Variants in HSPG2 observed in about 807,000 individuals in gnomAD.
HSPG2 encodes basement membrane-specific heparan sulfate proteoglycan core protein.
Under a neutral mutation model 526.6 loss-of-function variants are expected in HSPG2, and 278 were observed. The ratio of observed to expected loss-of-function variants is 0.53; its 90% CI spans 0.48 to 0.58. The LOEUF (loss-of-function observed/expected upper bound fraction) is 0.58. HSPG2 is among the 20% of genes least tolerant of loss of function. The pLI is 0.00. For missense variants in HSPG2, 5,354 were observed against 6,099.5 expected (o/e 0.88, Z 4.07); for synonymous variants, 2,465 against 2,555.4 (o/e 0.96, Z 1.07).
intron 1 of HSPG2, among the ~76,000 whole-genome samples, chr1:21,916,551 G>C (rs1293136934): frequency 6.6e-6 from 1 of 151,706 alleles, no homozygotes; most frequent in African/African-American, 2.4e-5. Flanking sequence ...AAAATTGCCA[G>C]TGTGGTGGTG....
chr1:21,908,730 G>A (rs1411228966), intron 1 of HSPG2: 1 of 502,452 alleles, frequency 2.0e-6, no homozygotes, highest in Non-Finnish European at 3.5e-6. Context: ...AGCTTCCTCT[G>A]GTTTTGATAT....
In HSPG2 at chr1:21,859,710, G is replaced by A. The variant is rs1639643693; in HGVS notation, c.5183-34C>T. The A allele has an allele frequency of 1.3e-6, 2 of 1,587,432 alleles. No homozygotes were observed. The highest frequency in any genetic ancestry group is 1.7e-6 in the Non-Finnish European group (2 of 1,165,204). On this transcript the variant is annotated intron_variant, in intron 41 of 96. Coordinates refer to ENST00000374695, the MANE Select transcript of HSPG2 (RefSeq NM_005529.7). This position sits in a 1 kb window ranked among gnomAD's most constrained non-coding sequence, Gnocchi z 5.3. ...GAGGAGACAAGAGCTTGTTGGTGCAGATACACTCTTTCTCACATCCAGCCC... is the reference window on the plus strand; with the variant it reads ...GAGGAGACAAGAGCTTGTTGGTGCAAATACACTCTTTCTCACATCCAGCCC...
At chr1:21,856,384 A>G (rs1406568276) in intron 44 of HSPG2, among the ~76,000 whole-genome samples, 2 of 152,254 alleles carry the variant, frequency 1.3e-5, no homozygotes, top group African/African-American at 2.4e-5. Flanking sequence ...TGACTGCCCT[A>G]TCTAGAGTAG....
At chr1:21,861,486 T>TAA (rs34107180) in intron 39 of HSPG2, among the ~76,000 whole-genome samples, 3 of 16,204 alleles carry the variant, frequency 1.9e-4, no homozygotes, top group African/African-American at 2.2e-4. Flanking sequence ...TGTCTCAGTT[T>TAA]AAAAAAAAAA....
intron 10 of HSPG2, 25 bp downstream of exon 10, chr1:21,885,295 A>T (rs569080382): frequency 6.2e-7 from 1 of 1,613,724 alleles, no homozygotes; most frequent in South Asian, 1.1e-5. Flanking sequence ...CAGGGCCCGC[A>T]TCTCGACCCC....
At position 21,842,892 on chromosome 1, in the gene HSPG2, C is replaced by G; in HGVS notation, c.8788G>C (p.Glu2930Gln). ...APGLAQPIYI[E>Q]ASSSHVTEGQ... Reference sequence around the variant, plus strand: ...TCAGTCACGTGTGAAGAGGAGGCCTCGATGTAGATGGGCTGGGCCAGTCCT... The same window carrying G: ...TCAGTCACGTGTGAAGAGGAGGCCTGGATGTAGATGGGCTGGGCCAGTCCT... The change falls in exon 67 of 97, where the codon GAG (glutamate) becomes CAG (glutamine). Residue 2930 changes from glutamate (E) to glutamine (Q), a missense_variant. Glu to Gln is a conservative substitution (Grantham distance 29, BLOSUM62 2). Coordinates refer to ENST00000374695, the MANE Select transcript of HSPG2 (RefSeq NM_005529.7). 2 of 1,613,994 alleles carry G rather than the reference C, an allele frequency of 1.2e-6. No individual in the cohort carries two copies. The highest frequency in any genetic ancestry group is 1.7e-6 in the Non-Finnish European group (2 of 1,180,004).
In HSPG2 at chr1:21,855,890, G is replaced by C. The variant is rs768493622; in HGVS notation, c.5598C>G (p.Pro1866=). The C allele has an allele frequency of 1.9e-6, 3 of 1,611,186 alleles. No individual in the cohort carries two copies. The highest frequency in any genetic ancestry group is 1.3e-5 in the African/African-American group (1 of 75,060). ...HVQASGTLSA[P]VVSIHPPQLT... is the part of the protein sequence containing the mutation. ...GCTGTGGCGGATGGATGGAGACCAC[G>C]GGGGCGGACAAGGTGCCCGAGGCTG... Residue 1866 remains proline, a synonymous_variant, in exon 45 of 97, where the codon CCC becomes CCG. Coordinates refer to ENST00000374695, the MANE Select transcript of HSPG2 (RefSeq NM_005529.7).
chr1:21,875,424 C>A (rs1421814450), intron 25 of HSPG2, among the ~76,000 whole-genome samples: 2 of 152,166 alleles, frequency 1.3e-5, no homozygotes, highest in Non-Finnish European at 2.9e-5. Flanking sequence ...ACATGCACCC[C>A]AATCCCCGTC....
intron 50 of HSPG2, 38 bp from the exon 51 acceptor site, chr1:21,853,108 G>A: frequency 2.5e-6 from 4 of 1,612,454 alleles, no homozygotes; most frequent in Non-Finnish European, 3.4e-6. Flanking sequence ...CTGAACTCTT[G>A]GGCTGTAACC....
chr1:21,864,250 C>T lies in HSPG2; in HGVS notation c.4627-37G>A, dbSNP rs1379076523. 1.1e-5 allele frequency: 16 copies of T among 1,504,364 alleles called. No homozygotes were observed. In the East Asian group the frequency reaches 1.2e-4, roughly 12 times the overall value. The allele number at this position is 1,504,364 out of a possible 1,614,324, so 93.2% of individuals were successfully genotyped here. A position where few individuals can be genotyped will look rare whatever the true frequency, so the allele number is the denominator to read the frequency against. On this transcript the variant is annotated intron_variant, in intron 36 of 96. Transcript: ENST00000374695. The surrounding 1 kb of genome is among the most constrained non-coding windows in gnomAD (Gnocchi z 4.8). ...GAGGAAGGTTGGCCTCTGTTCCCAA[C>T]GTGCCCCACCCACAGCCAGCAGACC...
At chr1:21,882,517 G>A (rs887906538) in intron 13 of HSPG2, among the ~76,000 whole-genome samples, 10 of 151,530 alleles carry the variant, frequency 6.6e-5, no homozygotes, top group African/African-American at 2.4e-4. Flanking sequence ...GAGAACTTTC[G>A]GTGGAGTGAA....
intron 1 of HSPG2, among the ~76,000 whole-genome samples, chr1:21,900,188 A>C (rs1643016758): frequency 6.6e-6 from 1 of 152,140 alleles, no homozygotes; most frequent in African/African-American, 2.4e-5. Context: ...TAGGGGTCAG[A>C]CCTCGGCCAG....
At chr1:21,908,536 G>A (rs1240927556) in intron 1 of HSPG2, 3 of 953,696 alleles carry the variant, frequency 3.1e-6, no homozygotes, top group East Asian at 2.4e-5. Context: ...CAATGGGAAG[G>A]AGCCTGAGCT....
chr1:21,854,758 A>G lies in HSPG2; in HGVS notation c.6141T>C (p.Asp2047=), dbSNP rs150129885. Residue 2047 remains aspartate (D), a synonymous_variant, in exon 49 of 97, where the codon GAT becomes GAC. Coordinates refer to ENST00000374695, the MANE Select transcript of HSPG2 (RefSeq NM_005529.7). ...RIQVVVLSAS[D]ASPPPVKIES... Reference sequence around the variant, plus strand: ...CAATCTTGACCGGCGGTGGGCTGGCATCTGAGGCTGGGGCCAGAGTAGGGG... The same window carrying G: ...CAATCTTGACCGGCGGTGGGCTGGCGTCTGAGGCTGGGGCCAGAGTAGGGG... 9.7e-4 allele frequency: 1,564 copies of G among 1,613,642 alleles called. 1 individual carries two copies. The highest frequency in any genetic ancestry group is 1.2e-3 in the Non-Finnish European group (1,472 of 1,179,812).
chr1:21,870,126 T>C, intron 33 of HSPG2: 1 of 510,978 alleles, frequency 2.0e-6, no homozygotes, highest in Non-Finnish European at 2.5e-6. Context: ...AGCTGGAGTC[T>C]TCGCTCAGGT....
chr1:21,841,397 ACT>A, intron 70 of HSPG2, 112 bp from the exon 71 acceptor site: 1 of 1,556,910 alleles, frequency 6.4e-7, no homozygotes, highest in Middle Eastern at 1.7e-4. Flanking sequence ...TCCCCACTGC[ACT>A]GAGGTGGAAA....
chr1:21,840,900 T>C lies in HSPG2; in HGVS notation c.9513+201A>G, dbSNP rs567407441. Among the ~76,000 whole-genome samples the C allele has an allele frequency of 2.6e-5, 4 of 152,292 alleles. No individual in the cohort carries two copies. In the East Asian group the frequency reaches 5.8e-4, roughly 22 times the overall value. On this transcript the variant is annotated intron_variant, in intron 71 of 96. Coordinates refer to ENST00000374695, the MANE Select transcript of HSPG2 (RefSeq NM_005529.7). ...CTTCGACCCACCCTCCCACTCATTC[T>C]TTCTTCCTTCTCCTACCTTCCTTCT... is the stretch of plus-strand genomic sequence containing the variant.
rs544980536 is a variant in HSPG2 at position 21,841,680 on chromosome 1, G to T, written c.9194-7C>A. ...GGACTGATGTGGACGTTGTCTGTGAGGTTGCATGGGGGAGGGTGAGAGAGG... is the reference window on the plus strand; with the variant it reads ...GGACTGATGTGGACGTTGTCTGTGATGTTGCATGGGGGAGGGTGAGAGAGG... On this transcript the variant is annotated splice_region_variant and splice_polypyrimidine_tract_variant and intron_variant, in intron 69 of 96. Transcript: ENST00000374695. 2.5e-6 allele frequency: 4 copies of T among 1,613,980 alleles called. No individual in the cohort carries two copies. Among genetic ancestry groups the T allele is most frequent in the African/African-American group, 2.7e-5 (2 of 74,926 alleles).
intron 1 of HSPG2, among the ~76,000 whole-genome samples, chr1:21,919,055 A>G (rs1643957286): frequency 6.6e-6 from 1 of 152,240 alleles, no homozygotes; most frequent in Non-Finnish European, 1.5e-5. Context: ...GGCAGGCAGC[A>G]TGGAATGACT....
Sources: gnomAD v4.1 joint callset for allele counts (sites outside exome capture counted in the v4.1 genomes callset) on GRCh38, gnomAD v4.1.1 for gene constraint, Gnocchi (gnomAD v3.1) non-coding constraint, MANE v1.5 for transcripts, NCBI Gene and HGNC (gene_info 2026-07-23, HGNC 2026-07-21) for gene names.